The following UNC80 variants were observed in gnomAD, a reference collection of about 807,000 sequenced individuals.
UNC80 encodes the protein protein unc-80 homolog.
A neutral mutation model predicts 384.6 loss-of-function variants in UNC80; 164 were observed. That is an observed-to-expected ratio of 0.43 (90% CI 0.38 to 0.49). The LOEUF (loss-of-function observed/expected upper bound fraction) is 0.49, where lower values mean the gene tolerates loss of function less well. Among genes scored for constraint, UNC80 ranks in the 20% least tolerant of loss-of-function variants. The probability of loss-of-function intolerance (pLI) is 0.00; values close to 1 mark genes in which losing one functional copy is unlikely to be tolerated. For synonymous variants in UNC80, 1,486 were observed against 1,527.8 expected (o/e 0.97, Z 0.64); for missense variants, 3,330 against 4,143.0 (o/e 0.80, Z 5.39).
At chr2:209,926,112 G>A (rs897002917) in intron 35 of UNC80, among the ~76,000 whole-genome samples, 3 of 151,986 alleles carry the variant, frequency 2.0e-5, no homozygotes, top group African/African-American at 7.3e-5. Flanking sequence ...ATTAATATGG[G>A]TGGGCTATGT....
chr2:209,807,364 A>AT (rs11291744), intron 7 of UNC80, among the ~76,000 whole-genome samples: 6 of 101,084 alleles, frequency 5.9e-5, no homozygotes, highest in African/African-American at 1.1e-4. Flanking sequence ...CCCTCATGTC[A>AT]TTTTTTTTTT....
intron 29 of UNC80, 91 bp downstream of exon 29, chr2:209,905,056 G>A (rs1045895207): frequency 1.5e-6 from 2 of 1,347,618 alleles, no homozygotes; most frequent in East Asian, 5.0e-5. Flanking sequence ...TCAAGCAAAT[G>A]CAATTGTAAC....
At chr2:209,918,473 T>G in intron 32 of UNC80, 59 bp from the exon 33 acceptor site, 1 of 1,513,310 alleles carries the variant, frequency 6.6e-7, no homozygotes, top group Middle Eastern at 1.7e-4. Context: ...ATCATTATAC[T>G]TCAGCCTCAT....
At chr2:209,873,892 G>C (rs983578009) in intron 23 of UNC80, among the ~76,000 whole-genome samples, 4 of 152,038 alleles carry the variant, frequency 2.6e-5, no homozygotes, top group Non-Finnish European at 5.9e-5. Flanking sequence ...CAGTCTTTCT[G>C]TATCAGTCTT....
intron 11 of UNC80, 126 bp downstream of exon 11, chr2:209,818,078 T>C (rs2079873141): frequency 8.1e-7 from 1 of 1,233,316 alleles, no homozygotes; most frequent in African/African-American, 1.5e-5. Flanking sequence ...ATTCTTGTGC[T>C]GAATTGCTTT....
Position 209,815,312 on chromosome 2 carries a change from C to T in UNC80, c.1256C>T (p.Ser419Phe). Residue 419 changes from serine to phenylalanine, a missense_variant, in exon 9 of 65, where the codon TCC becomes TTC. Ser to Phe is a radical substitution (Grantham distance 155, BLOSUM62 -2). This residue lies in a region of UNC80 where 937 missense variants were observed against 1,026.8 expected (regional missense o/e 0.91). Coordinates refer to ENST00000673920, the MANE Select transcript of UNC80 (RefSeq NM_001371986.1). ...AAATCTCTTAGCTCTGAGGCCTTTT[C>T]CAAGGTTTCACTGACCAATCTGCGT... ...EEKSLSSEAF[S>F]KVSLTNLRRS... 1 of 1,551,650 alleles carries T rather than the reference C, an allele frequency of 6.4e-7. No homozygotes were observed.
intron 7 of UNC80, among the ~76,000 whole-genome samples, chr2:209,806,297 T>A (rs2078893666): frequency 6.6e-6 from 1 of 152,232 alleles, no homozygotes; most frequent in Non-Finnish European, 1.5e-5. Flanking sequence ...ATGGTTCCAT[T>A]CTGATTTGCC....
intron 42 of UNC80, 89 bp downstream of exon 42, chr2:209,937,719 G>T (rs2091347131): frequency 2.0e-6 from 2 of 1,017,374 alleles, no homozygotes; most frequent in South Asian, 1.4e-5. Flanking sequence ...GAGATTTTAT[G>T]ATTCCATTTT....
chr2:209,809,070 C>T (rs2079139919), intron 7 of UNC80: 3 of 473,818 alleles, frequency 6.3e-6, no homozygotes. Context: ...CGGATGAGGA[C>T]AGCGGGAAAG....
At position 209,777,457 on chromosome 2, in the gene UNC80, T is replaced by C. The variant is rs1364948970; in HGVS notation, c.498T>C (p.Ser166=). The C allele has an allele frequency of 1.9e-6, 3 of 1,614,066 alleles. No homozygotes were observed. Among genetic ancestry groups the C allele is most frequent in the South Asian group, 1.1e-5 (1 of 91,088 alleles). The part of the protein sequence containing the change: ...GSPGQPCQSS[S]NDEEENNRRK... Reference sequence around the variant, plus strand: ...CAGGGCAGCCTTGCCAAAGCAGCTCTAATGACGAAGAAGAGAACAACCGAA... The same window carrying C: ...CAGGGCAGCCTTGCCAAAGCAGCTCCAATGACGAAGAAGAGAACAACCGAA... The change falls in exon 4 of 65, where the codon TCT becomes TCC. Residue 166 remains serine, a synonymous_variant. Transcript: ENST00000673920.
chr2:209,928,562 TA>T (rs2090611809), intron 36 of UNC80, among the ~76,000 whole-genome samples: 3 of 152,210 alleles, frequency 2.0e-5, no homozygotes, highest in Admixed American at 2.0e-4. Context: ...TGACACATAA[TA>T]ATTGTACATA....
At chr2:209,835,760 C>T (rs1250679582) in intron 18 of UNC80, among the ~76,000 whole-genome samples, 1 of 152,168 alleles carries the variant, frequency 6.6e-6, no homozygotes, top group Non-Finnish European at 1.5e-5. Context: ...TTCCAGGAAT[C>T]CTGCAGAATA....
rs1182258802 is a variant in UNC80, at chr2:209,939,515, T to C, written c.6509T>C (p.Leu2170Pro). ...GAAGAAGTAGGGCGGGTGTTGTTTC[T>C]CATCTCCCTAACCCAGAAGATCCCC... ...KLEEVGRVLFLISLTQKIPTA... is the reference protein window; with the variant it reads ...KLEEVGRVLFPISLTQKIPTA... The change falls in exon 43 of 65, where the codon CTC (leucine) becomes CCC (proline). Residue 2170 changes from leucine (L) to proline (P), a missense_variant. Leu to Pro is a moderately conservative substitution (Grantham distance 98). Around this residue, in one of 8 missense-constraint regions of UNC80, gnomAD observed 1,049 missense variants for 1,488.6 expected, o/e 0.70. Coordinates refer to ENST00000673920, the MANE Select transcript of UNC80 (RefSeq NM_001371986.1). 1 of 1,551,460 alleles carries C rather than the reference T, an allele frequency of 6.4e-7. No individual in the cohort carries two copies. The highest frequency in any genetic ancestry group is 2.4e-5 in the East Asian group (1 of 40,910).
At chr2:209,892,444 C>A (rs1380798104) in intron 26 of UNC80, among the ~76,000 whole-genome samples, 1 of 152,196 alleles carries the variant, frequency 6.6e-6, no homozygotes, top group Non-Finnish European at 1.5e-5. Flanking sequence ...ATTCTAACTG[C>A]TGTGCTCCTT....
chr2:209,913,179 T>G (rs1457074527), intron 30 of UNC80, among the ~76,000 whole-genome samples: 1 of 152,216 alleles, frequency 6.6e-6, no homozygotes, highest in African/African-American at 2.4e-5. Context: ...TATATTGTTA[T>G]TACAACATGA....
rs536681682 is a variant in UNC80 at position 209,935,103 on chromosome 2, A to G, written c.6179-611A>G. On this transcript the variant is annotated intron_variant, in intron 39 of 64. Coordinates refer to ENST00000673920, the MANE Select transcript of UNC80 (RefSeq NM_001371986.1). ...TGGTTTTGCTAATATCCCTGTTTAT[A>G]TTTTCTTAACTTTTATTGCCTGGTC... Among the ~76,000 whole-genome samples, 24 of 152,252 alleles carry G rather than the reference A, an allele frequency of 1.6e-4. No homozygotes were observed. The South Asian group carries it at 3.9e-3, about 25-fold the overall frequency.
intron 27 of UNC80, 109 bp from the exon 28 acceptor site, chr2:209,896,204 G>C: frequency 1.1e-6 from 1 of 933,964 alleles, no homozygotes. Flanking sequence ...AACCCACTGG[G>C]CCATGGTAGT....
rs1337633664 is a variant in UNC80 at position 209,839,739 on chromosome 2, T to C, written c.3250+309T>C. On this transcript the variant is annotated intron_variant, in intron 19 of 64. Coordinates refer to ENST00000673920, the MANE Select transcript of UNC80 (RefSeq NM_001371986.1). This position sits in a 1 kb window ranked among gnomAD's most constrained non-coding sequence, Gnocchi z 4.1. ...TCATTAAAGCGGATAATCATACAACTAAGTGTAATTGCAAACTATGAATTT... is the reference window on the plus strand; with the variant it reads ...TCATTAAAGCGGATAATCATACAACCAAGTGTAATTGCAAACTATGAATTT... Among the ~76,000 whole-genome samples the C allele has an allele frequency of 2.0e-5, 3 of 152,138 alleles. No individual in the cohort carries two copies. Among genetic ancestry groups the C allele is most frequent in the Non-Finnish European group, 4.4e-5 (3 of 68,024 alleles).
chr2:209,776,511 G>A (rs1035194193), intron 3 of UNC80, among the ~76,000 whole-genome samples: 1 of 152,228 alleles, frequency 6.6e-6, no homozygotes, highest in African/African-American at 2.4e-5. Flanking sequence ...AACCTGGGAG[G>A]CGGAGGTTAC....
Sources: allele counts gnomAD v4.1 joint callset (sites outside exome capture counted in the v4.1 genomes callset), GRCh38; gene constraint gnomAD v4.1.1; regional missense constraint gnomAD v4.1.1; non-coding constraint Gnocchi (gnomAD v3.1); transcripts MANE v1.5; gene names NCBI Gene and HGNC (gene_info 2026-07-23, HGNC 2026-07-21).